The following SPTB variants were observed in gnomAD, a reference collection of about 807,000 sequenced individuals.
The protein encoded by SPTB is spectrin beta, erythrocytic.
In SPTB, 45 loss-of-function variants were observed where a neutral mutation model predicts 256.2. The ratio of observed to expected loss-of-function variants is 0.18; its 90% confidence interval spans 0.14 to 0.23. The LOEUF is 0.23. SPTB is among the 10% of genes least tolerant of loss of function. The pLI, the probability that SPTB is intolerant of heterozygous loss-of-function variation, is 1.00. For synonymous variants in SPTB, 1,231 were observed against 1,243.1 expected (o/e 0.99, Z 0.21); for missense variants, 2,715 against 3,040.4 (o/e 0.89, Z 2.52).
chr14:64,863,534 T>C (rs1175248770), intron 1 of SPTB, among the ~76,000 whole-genome samples: 1 of 152,170 alleles, frequency 6.6e-6, no homozygotes, highest in Non-Finnish European at 1.5e-5. Flanking sequence ...CCTTAGCCAA[T>C]GACCTCTTTG....
rs753936984 is a variant in SPTB, at chr14:64,807,708, C to T, written c.149-2618G>A. On this transcript the variant is annotated intron_variant, in intron 2 of 35. Transcript: ENST00000644917. This position sits in a 1 kb window ranked among gnomAD's most constrained non-coding sequence, Gnocchi z 4.7. ...GGCATGCTCAGCACATTCACTCCCG[C>T]ACAGCCCAGATGCTCATCCCAAGCC... is the stretch of plus-strand genomic sequence containing the variant. Among the ~76,000 whole-genome samples the T allele has an allele frequency of 2.6e-5, 4 of 152,276 alleles. No homozygotes were observed. The highest frequency in any genetic ancestry group is 4.8e-5 in the African/African-American group (2 of 41,474).
chr14:64,812,689 T>C (rs2083112577), intron 2 of SPTB, among the ~76,000 whole-genome samples: 1 of 151,940 alleles, frequency 6.6e-6, no homozygotes, highest in Admixed American at 6.5e-5. Context: ...CTGCTTCACC[T>C]CCTGACGTCA....
intron 1 of SPTB, among the ~76,000 whole-genome samples, chr14:64,855,942 G>A (rs536853622): frequency 6.7e-4 from 102 of 152,338 alleles, no homozygotes; most frequent in African/African-American, 2.3e-3. Context: ...AGGCTCACAG[G>A]GCTGGGCTGC....
chr14:64,794,391 T>A (rs1277120641), intron 13 of SPTB, 76 bp downstream of exon 13: 1 of 1,580,254 alleles, frequency 6.3e-7, no homozygotes, highest in African/African-American at 1.3e-5. Flanking sequence ...AGGAGATTTA[T>A]CCAAGTTGGG....
Position 64,824,119 on chromosome 14 carries a change from T to C in SPTB, c.-51-974A>G, listed in dbSNP as rs1594816764. Reference sequence around the variant, plus strand: ...TCATGTCCTCACAGAGCTTGGAATCTGGTGGCAGAGACACACAATTAAACA... The same window carrying C: ...TCATGTCCTCACAGAGCTTGGAATCCGGTGGCAGAGACACACAATTAAACA... On this transcript the variant is annotated intron_variant, in intron 1 of 35. Transcript: ENST00000644917. This position sits in a 1 kb window ranked among gnomAD's most constrained non-coding sequence, Gnocchi z 5.7. Among the ~76,000 whole-genome samples the C allele has an allele frequency of 6.6e-6, 1 of 152,164 alleles. No individual in the cohort carries two copies. The highest frequency in any genetic ancestry group is 1.9e-4 in the East Asian group (1 of 5,198).
chr14:64,860,038 C>T (rs2083941100), intron 1 of SPTB, among the ~76,000 whole-genome samples: 1 of 152,028 alleles, frequency 6.6e-6, no homozygotes, highest in African/African-American at 2.4e-5. Flanking sequence ...AATACTTTTC[C>T]CCCCTAGAAT....
At chr14:64,800,077 G>A (rs2082852759) in intron 8 of SPTB, 143 bp from the exon 9 acceptor site, 3 of 988,052 alleles carry the variant, frequency 3.0e-6, no homozygotes, top group Non-Finnish European at 4.7e-6. Flanking sequence ...TTTGTTCCCT[G>A]AGCCCAAGTG....
rs1555369657 is a variant in SPTB at position 64,787,102 on chromosome 14, G to A, written c.2863C>T (p.Arg955Ter). 1 of 1,609,280 alleles carries A rather than the reference G, an allele frequency of 6.2e-7. No individual in the cohort carries two copies. The highest frequency in any genetic ancestry group is 8.5e-7 in the Non-Finnish European group (1 of 1,179,948). ...CAATCTACGCAGTAGTTGTGCACTC[G>A]GAGGGCTGAGTCCACAGCCTCCCGC... is the stretch of plus-strand genomic sequence containing the variant. ...ERREAVDSAL[R>*]VHNYCVDCEE... Residue 955 changes from arginine to a stop codon, truncating the protein, a stop_gained, in exon 16 of 36, where the codon CGA (arginine) becomes TGA (stop). Transcript: ENST00000644917. LOFTEE classifies it high-confidence loss of function.
chr14:64,867,611 T>C (rs1882263877), intron 1 of SPTB, among the ~76,000 whole-genome samples: 6 of 152,146 alleles, frequency 3.9e-5, no homozygotes, highest in Admixed American at 3.9e-4. Context: ...CCCAGCACTT[T>C]GGGAGACCGA....
chr14:64,777,293 G>A lies in SPTB; in HGVS notation c.4563+1864C>T, dbSNP rs1594764763. 6.6e-6 allele frequency among the ~76,000 whole-genome samples: 1 copy of A among 152,220 alleles called. No individual in the cohort carries two copies. The highest frequency in any genetic ancestry group is 1.5e-5 in the Non-Finnish European group (1 of 68,036). ...ACTGTGAAGGAGGGCAAAGTGAGAA[G>A]AGCTGAGTTTCAGAAGCAGGCAGGG... On this transcript the variant is annotated intron_variant, in intron 22 of 35. Transcript: ENST00000644917. This position sits in a 1 kb window ranked among gnomAD's most constrained non-coding sequence, Gnocchi z 4.5.
chr14:64,750,292 A>C, intron 33 of SPTB, 138 bp from the exon 34 acceptor site: 1 of 877,274 alleles, frequency 1.1e-6, no homozygotes, highest in Non-Finnish European at 1.7e-6. Context: ...TTAAAAAATC[A>C]TCTGCATGTA....
In SPTB at chr14:64,813,215, A is replaced by G. The variant is rs571117513; in HGVS notation, c.149-8125T>C. 5.3e-5 allele frequency among the ~76,000 whole-genome samples: 8 copies of G among 152,350 alleles called. 1 individual carries two copies. In the South Asian group the frequency reaches 1.7e-3, roughly 32 times the overall value. ...ATGAAACAACAGATGTCATAAAGAA[A>G]AATAGGATATGAAGTTCATAAACCC... is the stretch of plus-strand genomic sequence containing the variant. On this transcript the variant is annotated intron_variant, in intron 2 of 35. Coordinates refer to ENST00000644917, the MANE Select transcript of SPTB (RefSeq NM_001355436.2).
In SPTB at chr14:64,825,715, G is replaced by C. The variant is rs1244705239; in HGVS notation, c.-51-2570C>G. On this transcript the variant is annotated intron_variant, in intron 1 of 35. Coordinates refer to ENST00000644917, the MANE Select transcript of SPTB (RefSeq NM_001355436.2). The surrounding 1 kb of genome is among the most constrained non-coding windows in gnomAD (Gnocchi z 4.8). ...GAGAGAGGCCTGGGCCGTGGGGCTGGAGAGTGAGATTACCTTTGCCATGGC... is the reference window on the plus strand; with the variant it reads ...GAGAGAGGCCTGGGCCGTGGGGCTGCAGAGTGAGATTACCTTTGCCATGGC... Among the ~76,000 whole-genome samples, 1 of 152,250 alleles carries C rather than the reference G, an allele frequency of 6.6e-6. No individual in the cohort carries two copies. The highest frequency in any genetic ancestry group is 1.5e-5 in the Non-Finnish European group (1 of 68,042).
rs536512101 is a variant in SPTB at position 64,853,855 on chromosome 14, T to A, written c.-52+25937A>T. 6.6e-6 allele frequency among the ~76,000 whole-genome samples: 1 copy of A among 152,152 alleles called. No individual in the cohort carries two copies. The highest frequency in any genetic ancestry group is 2.1e-4 in the South Asian group (1 of 4,828). Reference sequence around the variant, plus strand: ...GGAGCTTAGTAAAATTTAACACTTATCATTGGTATGACTCAAGAGACATTT... The same window carrying A: ...GGAGCTTAGTAAAATTTAACACTTAACATTGGTATGACTCAAGAGACATTT... On this transcript the variant is annotated intron_variant, in intron 1 of 35. Transcript: ENST00000644917. This position sits in a 1 kb window ranked among gnomAD's most constrained non-coding sequence, Gnocchi z 4.3.
chr14:64,794,387 T>C, intron 13 of SPTB, 80 bp downstream of exon 13: 2 of 1,569,876 alleles, frequency 1.3e-6, no homozygotes, highest in South Asian at 1.1e-5. Context: ...TTCCAGGAGA[T>C]TTATCCAAGT....
In SPTB at chr14:64,844,293, A is replaced by G. The variant is rs1308941594; in HGVS notation, c.-51-21148T>C. 6.6e-6 allele frequency among the ~76,000 whole-genome samples: 1 copy of G among 152,228 alleles called. No homozygotes were observed. The highest frequency in any genetic ancestry group is 1.5e-5 in the Non-Finnish European group (1 of 68,042). On this transcript the variant is annotated intron_variant, in intron 1 of 35. Transcript: ENST00000644917. The surrounding 1 kb of genome is among the most constrained non-coding windows in gnomAD (Gnocchi z 4.1). The stretch of plus-strand genomic sequence containing the variant: ...GTCCTCAGTTGTGAATTATCCACCT[A>G]TGTGTGAAGGGACCAGGTCCCAACA...
Position 64,772,943 on chromosome 14 carries a change from G to A in SPTB, c.5190C>T (p.Asp1730=). The change falls in exon 26 of 36, where the codon GAC becomes GAT. Residue 1730 remains aspartate (D), a synonymous_variant. Coordinates refer to ENST00000644917, the MANE Select transcript of SPTB (RefSeq NM_001355436.2). This position sits in a 1 kb window ranked among gnomAD's most constrained non-coding sequence, Gnocchi z 5.4. The part of the protein sequence containing the change: ...QDFDHVTLLR[D]KFRDFARETG... Reference sequence around the variant, plus strand: ...TCTCCCGGGCAAAGTCCCGGAACTTGTCCCGCAGAAGCTAGGCATGGGGCA... The same window carrying A: ...TCTCCCGGGCAAAGTCCCGGAACTTATCCCGCAGAAGCTAGGCATGGGGCA... The A allele has an allele frequency of 6.2e-7, 1 of 1,601,846 alleles. No homozygotes were observed. The highest frequency in any genetic ancestry group is 8.5e-7 in the Non-Finnish European group (1 of 1,173,910).
chr14:64,859,927 T>C (rs769642620), intron 1 of SPTB, among the ~76,000 whole-genome samples: 1 of 152,176 alleles, frequency 6.6e-6, no homozygotes, highest in Non-Finnish European at 1.5e-5. Flanking sequence ...ATTAAGTGTT[T>C]CTGAAAAGAC....
chr14:64,784,538 C>G (rs915658229), intron 18 of SPTB, 145 bp from the exon 19 acceptor site: 4 of 1,125,104 alleles, frequency 3.6e-6, no homozygotes, highest in Non-Finnish European at 5.2e-6. Flanking sequence ...GTTCTGGATC[C>G]CTCTGTACCA....
Sources: allele counts gnomAD v4.1 joint callset (sites outside exome capture counted in the v4.1 genomes callset), GRCh38; gene constraint gnomAD v4.1.1; non-coding constraint Gnocchi (gnomAD v3.1); transcripts MANE v1.5; gene names NCBI Gene and HGNC (gene_info 2026-07-23, HGNC 2026-07-21).